SLC35F3: variants seen among roughly 807,000 people sequenced by gnomAD.
SLC35F3 encodes the protein solute carrier family 35 member F3.
In SLC35F3, 25 loss-of-function variants were observed where a neutral mutation model predicts 49.9. The ratio of observed to expected loss-of-function variants is 0.50; its 90% CI spans 0.37 to 0.70. The LOEUF is 0.70. Ranked by LOEUF, SLC35F3 falls within the 30% of genes least tolerant of loss-of-function variation. SLC35F3 has a pLI of 0.00. For synonymous variants in SLC35F3, 275 were observed against 265.4 expected, an observed-to-expected ratio of 1.04 and a Z score of -0.35; for missense variants, 525 against 639.8, an observed-to-expected ratio of 0.82 and a Z score of 1.94.
intron 2 of SLC35F3, among the ~76,000 whole-genome samples, chr1:234,008,267 A>G (rs900393424): frequency 6.6e-6 from 1 of 152,206 alleles, no homozygotes; most frequent in Non-Finnish European, 1.5e-5. Context: ...CAGGGAAGGC[A>G]GAAACATGCT....
intron 2 of SLC35F3, among the ~76,000 whole-genome samples, chr1:233,977,043 A>G (rs1316715817): frequency 6.6e-6 from 1 of 152,178 alleles, no homozygotes; most frequent in East Asian, 1.9e-4. Flanking sequence ...TCCTTGTTAA[A>G]GTTAAAGAGT....
chr1:233,941,479 G>A (rs1662419382), intron 2 of SLC35F3, among the ~76,000 whole-genome samples: 1 of 152,196 alleles, frequency 6.6e-6, no homozygotes, highest in Non-Finnish European at 1.5e-5. Context: ...CAGGAAGGCA[G>A]GGGTCATCTT....
At chr1:234,299,804 C>CAAAAAAAA (rs36039526) in intron 3 of SLC35F3, among the ~76,000 whole-genome samples, 3 of 84,628 alleles carry the variant, frequency 3.5e-5, no homozygotes, top group South Asian at 4.8e-4. Flanking sequence ...GACTCCATCT[C>CAAAAAAAA]AAAAAAAAAA....
At chr1:234,146,665 C>T (rs1257865685) in intron 2 of SLC35F3, among the ~76,000 whole-genome samples, 1 of 151,788 alleles carries the variant, frequency 6.6e-6, no homozygotes, top group East Asian at 1.9e-4. Flanking sequence ...CAGGCATGTG[C>T]CACCACGCCT....
chr1:233,954,008 CTTT>C (rs750099276), intron 2 of SLC35F3, among the ~76,000 whole-genome samples: 3 of 141,186 alleles, frequency 2.1e-5, no homozygotes, highest in Admixed American at 7.1e-5. Context: ...ACTAGAGCCT[CTTT>C]TTTTTTTTTT....
chr1:234,130,620 G>A (rs1665720883), intron 2 of SLC35F3, among the ~76,000 whole-genome samples: 1 of 139,954 alleles, frequency 7.1e-6, no homozygotes, highest in Admixed American at 7.3e-5. Context: ...CAGCCCAGGT[G>A]ACAGAGAGAG....
chr1:233,984,512 G>A (rs551114545), intron 2 of SLC35F3, among the ~76,000 whole-genome samples: 1 of 152,332 alleles, frequency 6.6e-6, no homozygotes, highest in Non-Finnish European at 1.5e-5. Flanking sequence ...AATACGTGGA[G>A]GTTACACATT....
chr1:234,305,278 G>A (rs552418846), intron 3 of SLC35F3, among the ~76,000 whole-genome samples: 9 of 152,042 alleles, frequency 5.9e-5, no homozygotes, highest in African/African-American at 2.2e-4. Flanking sequence ...GTAAGTATTT[G>A]TCAAATAATA....
At chr1:233,911,897 C>G (rs6689738) in intron 2 of SLC35F3, among the ~76,000 whole-genome samples, 50,901 of 152,042 alleles carry the variant, frequency 0.33, 8,823 homozygotes, top group Non-Finnish European at 0.36. Flanking sequence ...CTTCAGAAGT[C>G]CCTCCTGGAT....
At position 234,022,468 on chromosome 1, in the gene SLC35F3, G is replaced by C. The variant is rs577474671; in HGVS notation, c.283+116710G>C. On this transcript the variant is annotated intron_variant, in intron 2 of 7. Coordinates refer to ENST00000366618, the MANE Select transcript of SLC35F3 (RefSeq NM_173508.4). Reference sequence around the variant, plus strand: ...TCCCTCTTCCTTTGGGGACCTCACAGGTTTTTTTCCTCAAGGCCTTCAACT... The same window carrying C: ...TCCCTCTTCCTTTGGGGACCTCACACGTTTTTTTCCTCAAGGCCTTCAACT... Among the ~76,000 whole-genome samples, 16 of 62,162 alleles carry C rather than the reference G, an allele frequency of 2.6e-4. No homozygotes were observed. In the South Asian group the frequency reaches 6.3e-3, roughly 25 times the overall value. 40.8% of individuals were successfully genotyped at this position (62,162 alleles called of 152,430 possible).
intron 2 of SLC35F3, among the ~76,000 whole-genome samples, chr1:234,151,399 A>T (rs567284741): frequency 6.6e-6 from 1 of 152,258 alleles, no homozygotes; most frequent in Admixed American, 6.5e-5. Context: ...AGGCTAAGTT[A>T]TTATAAGAAA....
At chr1:234,232,534 A>AG (rs964845341) in intron 3 of SLC35F3, among the ~76,000 whole-genome samples, 12 of 150,986 alleles carry the variant, frequency 7.9e-5, no homozygotes, top group African/African-American at 2.9e-4. Flanking sequence ...AAAAAAAAAA[A>AG]AAAAAAGAAA....
At chr1:234,318,451 C>A (rs1317920425) in intron 5 of SLC35F3, among the ~76,000 whole-genome samples, 1 of 152,164 alleles carries the variant, frequency 6.6e-6, no homozygotes, top group Non-Finnish European at 1.5e-5. Flanking sequence ...GTAATCATGG[C>A]AGATGTTTTT....
At chr1:234,048,070 G>A (rs1474437367) in intron 2 of SLC35F3, among the ~76,000 whole-genome samples, 1 of 152,068 alleles carries the variant, frequency 6.6e-6, no homozygotes, top group African/African-American at 2.4e-5. Context: ...AAAGAACTTC[G>A]CTGAATTGTG....
chr1:234,280,766 C>T (rs1668311535), intron 3 of SLC35F3, among the ~76,000 whole-genome samples: 1 of 152,206 alleles, frequency 6.6e-6, no homozygotes, highest in South Asian at 2.1e-4. Context: ...GACAGGTAAG[C>T]ATAATGACTG....
chr1:234,001,535 C>G (rs1558201921), intron 2 of SLC35F3, among the ~76,000 whole-genome samples: 1 of 152,212 alleles, frequency 6.6e-6, no homozygotes, highest in Non-Finnish European at 1.5e-5. Context: ...AGTATTCCCT[C>G]TGGATTCTCA....
chr1:233,960,706 T>C lies in SLC35F3; in HGVS notation c.283+54948T>C, dbSNP rs140800484. Reference sequence around the variant, plus strand: ...CTGGGTCCTAGTCAACTCTGTTTCATCACAGAAGATGGGTTTAGGAGAATG... The same window carrying C: ...CTGGGTCCTAGTCAACTCTGTTTCACCACAGAAGATGGGTTTAGGAGAATG... On this transcript the variant is annotated intron_variant, in intron 2 of 7. Coordinates refer to ENST00000366618, the MANE Select transcript of SLC35F3 (RefSeq NM_173508.4). Among the ~76,000 whole-genome samples, 338 of 152,304 alleles carry C rather than the reference T, an allele frequency of 2.2e-3. 2 individuals carry two copies. Among genetic ancestry groups the C allele is most frequent in the African/African-American group, 7.8e-3 (324 of 41,552 alleles).
intron 2 of SLC35F3, among the ~76,000 whole-genome samples, chr1:234,052,187 A>G (rs558474656): frequency 6.6e-6 from 1 of 152,118 alleles, no homozygotes; most frequent in South Asian, 2.1e-4. Context: ...CTCTTTTTCT[A>G]TTGATTGGAA....
chr1:234,102,534 T>A (rs1306216107), intron 2 of SLC35F3, among the ~76,000 whole-genome samples: 1 of 152,234 alleles, frequency 6.6e-6, no homozygotes, highest in East Asian at 1.9e-4. Context: ...TTGTGAGCAT[T>A]CTTTCTCCCT....
Sources: gnomAD v4.1 joint callset for allele counts (sites outside exome capture counted in the v4.1 genomes callset) on GRCh38, gnomAD v4.1.1 for gene constraint, MANE v1.5 for transcripts, NCBI Gene and HGNC (gene_info 2026-07-23, HGNC 2026-07-21) for gene names.